The following NKX2-1 variants were observed in gnomAD, a reference collection of about 807,000 sequenced individuals.
The protein encoded by NKX2-1 is NK2 homeobox 1.
In NKX2-1, 9 loss-of-function variants were observed where a neutral mutation model predicts 35.1. The observed-to-expected ratio is 0.26, with a 90% CI of 0.15 to 0.45. The LOEUF is 0.45. Ranked by LOEUF, NKX2-1 falls within the 20% of genes least tolerant of loss-of-function variation. NKX2-1 has a pLI of 1.00. For synonymous variants in NKX2-1, 284 were observed against 269.9 expected (o/e 1.05, Z -0.51); for missense variants, 509 against 589.1 (o/e 0.86, Z 1.41).
chr14:36,516,951 C>T lies in NKX2-1; in HGVS notation c.*327G>A, dbSNP rs1282585068. 5 of 402,854 alleles carry T rather than the reference C, an allele frequency of 1.2e-5. No individual in the cohort carries two copies. The highest frequency in any genetic ancestry group is 2.2e-5 in the Non-Finnish European group (5 of 222,476). 25.0% of individuals were successfully genotyped at this position (402,854 alleles called of 1,614,324 possible). A position where few individuals can be genotyped will look rare whatever the true frequency, so the allele number is the denominator to read the frequency against. ...CTCTCCAATCTGTGCCCCGCCCTAG[C>T]GTGGAAAACCCATTTGAATCACCAA... On this transcript the variant is annotated 3_prime_UTR_variant, in exon 3 of 3. Transcript: ENST00000354822.
Position 36,517,385 on chromosome 14 carries a change from G to A in NKX2-1, c.1099C>T (p.Pro367Ser), listed in dbSNP as rs1047269941. The A allele has an allele frequency of 6.2e-7, 1 of 1,602,298 alleles. No individual in the cohort carries two copies. The highest frequency in any genetic ancestry group is 1.3e-5 in the African/African-American group (1 of 74,708). The change falls in exon 3 of 3, where the codon CCC becomes TCC. Residue 367 changes from proline to serine, a missense_variant. Pro to Ser is a moderately conservative substitution (Grantham distance 74). Coordinates refer to ENST00000354822, the MANE Select transcript of NKX2-1 (RefSeq NM_001079668.3). Reference sequence around the variant, plus strand: ...GATACCTGGCCCTGCAGCGCCGCGGGGCTGGCGGCGTGGTGCGCCAGGTCC... The same window carrying A: ...GATACCTGGCCCTGCAGCGCCGCGGAGCTGGCGGCGTGGTGCGCCAGGTCC... ...SPDLAHHAAS[P>S]AALQGQVSSL... is the part of the protein sequence containing the mutation.
Position 36,518,835 on chromosome 14 carries a change from C to G in NKX2-1, c.463+150G>C. The G allele has an allele frequency of 2.8e-6, 3 of 1,064,566 alleles. No homozygotes were observed. The South Asian group carries it at 6.3e-5, about 22-fold the overall frequency. The allele number at this position is 1,064,566 out of a possible 1,614,324, so 65.9% of individuals were successfully genotyped here. A position where few individuals can be genotyped will look rare whatever the true frequency, so the allele number is the denominator to read the frequency against. ...CCCAGCCGAGCAGGGGGAAGCATCC[C>G]CAGCTCCCGCACCCAAGTCCCTGGC... On this transcript the variant is annotated intron_variant, in intron 2 of 2. Transcript: ENST00000354822.
intron 2 of NKX2-1, 135 bp downstream of exon 2, chr14:36,518,850 A>C (rs937944800): frequency 6.7e-6 from 8 of 1,197,502 alleles, no homozygotes; most frequent in Non-Finnish European, 8.8e-6. Flanking sequence ...TCCCGCACCC[A>C]AGTCCCTGGC....
Position 36,517,941 on chromosome 14 carries a change from C to G in NKX2-1, c.543G>C (p.Lys181Asn), listed in dbSNP as rs772200158. ...GGLGSLGDVS[K>N]NMAPLPSAPR... ...GCGCGCTTGGCAGCGGGGCCATGTT[C>G]TTGCTCACGTCCCCCAGCGAGCCCA... The change falls in exon 3 of 3, where the codon AAG becomes AAC. Residue 181 changes from lysine to asparagine, a missense_variant. Coordinates refer to ENST00000354822, the MANE Select transcript of NKX2-1 (RefSeq NM_001079668.3). 1.2e-6 allele frequency: 2 copies of G among 1,604,150 alleles called. No homozygotes were observed. Among genetic ancestry groups the G allele is most frequent in the Non-Finnish European group, 1.7e-6 (2 of 1,179,708 alleles).
Position 36,519,012 on chromosome 14 carries a change from C to A in NKX2-1, c.436G>T (p.Ala146Ser). ...NSASGPGWYG[A>S]NPDPRFPAIS... ...GCGGGGAAGCGCGGGTCTGGGTTGG[C>A]GCCGTACCATCCGGGGCCAGAGGCG... The change falls in exon 2 of 3, where the codon GCC becomes TCC. Residue 146 changes from alanine to serine, a missense_variant. Ala to Ser is a moderately conservative substitution (Grantham distance 99). Around this residue, in one of 5 missense-constraint regions of NKX2-1, gnomAD observed 271 missense variants for 284.1 expected, o/e 0.95. Transcript: ENST00000354822. 1 of 1,578,224 alleles carries A rather than the reference C, an allele frequency of 6.3e-7. No individual in the cohort carries two copies. The highest frequency in any genetic ancestry group is 1.1e-5 in the South Asian group (1 of 88,036).
chr14:36,517,418 G>A lies in NKX2-1; in HGVS notation c.1066C>T (p.Gln356Ter), dbSNP rs2139405742. 1 of 1,569,758 alleles carries A rather than the reference G, an allele frequency of 6.4e-7. No homozygotes were observed. Among genetic ancestry groups the A allele is most frequent in the Non-Finnish European group, 8.6e-7 (1 of 1,161,006 alleles). The part of the protein sequence containing the change: ...HPGHQPGSAG[Q>*]SPDLAHHAAS... ...GCGTGGTGCGCCAGGTCCGGAGACT[G>A]GCCTGCGCTGCCTGGCTGGTGGCCC... Residue 356 changes from glutamine to a stop codon, truncating the protein, a stop_gained, in exon 3 of 3, where the codon CAG (glutamine) becomes TAG (stop). Transcript: ENST00000354822. LOFTEE classifies it high-confidence loss of function.
In NKX2-1 at chr14:36,520,047, T is replaced by A; in HGVS notation, c.77+6A>T. 5.0e-6 allele frequency: 8 copies of A among 1,611,592 alleles called. No individual in the cohort carries two copies. The highest frequency in any genetic ancestry group is 6.8e-6 in the Non-Finnish European group (8 of 1,179,514). ...AGGGGGCTGAGGGACAGGGTGGGGG[T>A]TTCACCTGAGCCTGCCGGGGCTGCT... On this transcript the variant is annotated splice_donor_region_variant and intron_variant, in intron 1 of 2. Coordinates refer to ENST00000354822, the MANE Select transcript of NKX2-1 (RefSeq NM_001079668.3).
Position 36,517,087 on chromosome 14 carries a change from T to C in NKX2-1, c.*191A>G. The stretch of plus-strand genomic sequence containing the variant: ...TTTTTTAAAAAAAAAAACCCACAAA[T>C]TTTAGGGGGGGAAAAAAAGAAAGAC... On this transcript the variant is annotated 3_prime_UTR_variant, in exon 3 of 3. Coordinates refer to ENST00000354822, the MANE Select transcript of NKX2-1 (RefSeq NM_001079668.3). 9.3e-7 allele frequency: 1 copy of C among 1,076,712 alleles called. No individual in the cohort carries two copies. The highest frequency in any genetic ancestry group is 1.2e-6 in the Non-Finnish European group (1 of 800,016). 66.7% of individuals were successfully genotyped at this position (1,076,712 alleles called of 1,614,324 possible).
chr14:36,518,870 G>C, intron 2 of NKX2-1, 115 bp downstream of exon 2: 3 of 1,321,162 alleles, frequency 2.3e-6, no homozygotes, highest in South Asian at 1.8e-5. Flanking sequence ...CGCCGCTGCC[G>C]GGCCGCCCTC....
In NKX2-1 at chr14:36,516,986, C is replaced by CA; in HGVS notation, c.*291_*292insT. On this transcript the variant is annotated 3_prime_UTR_variant, in exon 3 of 3. Transcript: ENST00000354822. ...CCATTTGAATCACCAAAAAAAGACA[C>CA]CCCAAAGCTGTTTTATGCCCTTCTC... is the stretch of plus-strand genomic sequence containing the variant. The CA allele has an allele frequency of 2.3e-6, 1 of 440,666 alleles. No individual in the cohort carries two copies. Among genetic ancestry groups the CA allele is most frequent in the Admixed American group, 5.0e-5 (1 of 20,092 alleles). The allele number at this position is 440,666 out of a possible 1,614,324, so 27.3% of individuals were successfully genotyped here. A position where few individuals can be genotyped will look rare whatever the true frequency, so the allele number is the denominator to read the frequency against.
rs1881280968 is a variant in NKX2-1, at chr14:36,520,052, C to CCGA, written c.77_77+1insTCG (p.Arg29dup). ...GCTGAGGGACAGGGTGGGGGTTTCA[C>CCGA]CTGAGCCTGCCGGGGCTGCTCCTCC... is the stretch of plus-strand genomic sequence containing the variant. On this transcript the variant is annotated inframe_insertion and splice_region_variant. Coordinates refer to ENST00000354822, the MANE Select transcript of NKX2-1 (RefSeq NM_001079668.3). The CCGA allele has an allele frequency of 1.2e-6, 2 of 1,612,904 alleles. No homozygotes were observed. Among genetic ancestry groups the CCGA allele is most frequent in the Non-Finnish European group, 1.7e-6 (2 of 1,179,872 alleles).
At position 36,517,905 on chromosome 14, in the gene NKX2-1, C is replaced by T; in HGVS notation, c.579G>A (p.Lys193=). The change falls in exon 3 of 3, where the codon AAG becomes AAA. Residue 193 remains lysine (K), a synonymous_variant. Coordinates refer to ENST00000354822, the MANE Select transcript of NKX2-1 (RefSeq NM_001079668.3). ...MAPLPSAPRR[K]RRVLFSQAQV... ...GCGCCTGCGAGAAGAGCACCCGGCG[C>T]TTCCTGCGCGGCGCGCTTGGCAGCG... 6.2e-7 allele frequency: 1 copy of T among 1,610,146 alleles called. No homozygotes were observed. The highest frequency in any genetic ancestry group is 8.5e-7 in the Non-Finnish European group (1 of 1,179,516).
rs1393101333 is a variant in NKX2-1 at position 36,520,173 on chromosome 14, G to A, written c.-44C>T. ...GCCCCAGTCGCCAACAAATGAGCGA[G>A]CGAGTCTGGGGACGAACCCTGGGGC... On this transcript the variant is annotated 5_prime_UTR_variant, in exon 1 of 3. Coordinates refer to ENST00000354822, the MANE Select transcript of NKX2-1 (RefSeq NM_001079668.3). 2 of 1,607,880 alleles carry A rather than the reference G, an allele frequency of 1.2e-6. No homozygotes were observed. The highest frequency in any genetic ancestry group is 1.3e-5 in the African/African-American group (1 of 74,936).
Position 36,517,101 on chromosome 14 carries a change from A to G in NKX2-1, c.*177T>C, listed in dbSNP as rs77021012. On this transcript the variant is annotated 3_prime_UTR_variant, in exon 3 of 3. Coordinates refer to ENST00000354822, the MANE Select transcript of NKX2-1 (RefSeq NM_001079668.3). ...AAACCCACAAATTTTAGGGGGGGAA[A>G]AAAAGAAAGACGTCCAGCAGTTTGG... 1.4e-6 allele frequency: 1 copy of G among 695,898 alleles called. No homozygotes were observed. Among genetic ancestry groups the G allele is most frequent in the Non-Finnish European group, 2.0e-6 (1 of 494,642 alleles). 43.1% of individuals were successfully genotyped at this position (695,898 alleles called of 1,614,324 possible). A position where few individuals can be genotyped will look rare whatever the true frequency, so the allele number is the denominator to read the frequency against.
Position 36,519,275 on chromosome 14 carries a change from C to T in NKX2-1, c.173G>A (p.Gly58Asp). The change falls in exon 2 of 3, where the codon GGC (glycine) becomes GAC (aspartate). Residue 58 changes from glycine to aspartate, a missense_variant. This residue lies in a region of NKX2-1 where 271 missense variants were observed against 284.1 expected (regional missense o/e 0.95). Transcript: ENST00000354822. The stretch of plus-strand genomic sequence containing the variant: ...AGCCCCGAGGCCGCCGCCCTCCATG[C>T]CCACTTTCTTGTAGCTTTCCTCCAG... The part of the protein sequence containing the change: ...SPLEESYKKV[G>D]MEGGGLGAPL... The T allele has an allele frequency of 3.7e-6, 6 of 1,612,482 alleles. No homozygotes were observed. Among genetic ancestry groups the T allele is most frequent in the Non-Finnish European group, 5.1e-6 (6 of 1,179,746 alleles).
Position 36,518,969 on chromosome 14 carries a change from G to C in NKX2-1, c.463+16C>G, listed in dbSNP as rs2139411209. On this transcript the variant is annotated intron_variant, in intron 2 of 2. Coordinates refer to ENST00000354822, the MANE Select transcript of NKX2-1 (RefSeq NM_001079668.3). ...GAGCTCAGCCCGCGGCCCCGCAGTGGGGCGGCCTCACTTACTGGCGGGGAA... is the reference window on the plus strand; with the variant it reads ...GAGCTCAGCCCGCGGCCCCGCAGTGCGGCGGCCTCACTTACTGGCGGGGAA... The C allele has an allele frequency of 1.3e-6, 2 of 1,562,018 alleles. No homozygotes were observed. The highest frequency in any genetic ancestry group is 1.2e-5 in the South Asian group (1 of 86,284).
Position 36,519,203 on chromosome 14 carries a change from G to A in NKX2-1, c.245C>T (p.Ala82Val), listed in dbSNP as rs2139412321. 6.2e-7 allele frequency: 1 copy of A among 1,603,424 alleles called. No homozygotes were observed. The highest frequency in any genetic ancestry group is 1.1e-5 in the South Asian group (1 of 90,120). Residue 82 changes from alanine (A) to valine (V), a missense_variant, in exon 2 of 3, where the codon GCC (alanine) becomes GTC (valine). Ala to Val is a moderately conservative substitution (Grantham distance 64, BLOSUM62 0). Around this residue, in one of 5 missense-constraint regions of NKX2-1, gnomAD observed 271 missense variants for 284.1 expected, o/e 0.95. Coordinates refer to ENST00000354822, the MANE Select transcript of NKX2-1 (RefSeq NM_001079668.3). The stretch of plus-strand genomic sequence containing the variant: ...GTGCCCCACGGCGTGCTGCTGCATG[G>A]CCGCTGTTGGCGGTGCCGCCTGGCC... ...RQGQAAPPTA[A>V]MQQHAVGHHG...
intron 1 of NKX2-1, chr14:36,519,822 G>T: frequency 7.4e-7 from 1 of 1,354,426 alleles, no homozygotes; most frequent in Non-Finnish European, 9.8e-7. Context: ...GGAGCGCGGG[G>T]AGGAGGTGGA....
At chr14:36,519,759 C>A in intron 1 of NKX2-1, 11 of 1,470,480 alleles carry the variant, frequency 7.5e-6, no homozygotes, top group Admixed American at 2.2e-5. Context: ...AGACCCAAAG[C>A]ATTTCCCCCC....
Sources: gnomAD v4.1 joint callset for allele counts on GRCh38, gnomAD v4.1.1 for gene constraint, gnomAD v4.1.1 regional missense constraint, MANE v1.5 for transcripts, NCBI Gene and HGNC (gene_info 2026-07-23, HGNC 2026-07-21) for gene names.